LARP4B: variants seen among roughly 807,000 people sequenced by gnomAD.
LARP4B encodes La ribonucleoprotein 4B, also known as la-related protein 4B.
Under a neutral mutation model 89.8 loss-of-function variants are expected in LARP4B, and 12 were observed. That is an observed-to-expected ratio of 0.13 (90% CI 0.09 to 0.22). The LOEUF (loss-of-function observed/expected upper bound fraction) is 0.22, where lower values mean the gene tolerates loss of function less well. LARP4B is among the 10% of genes least tolerant of loss of function. The pLI is 1.00. For missense variants in LARP4B, 757 were observed against 947.7 expected (o/e 0.80, Z 2.64); for synonymous variants, 367 against 363.3 (o/e 1.01, Z -0.12).
intron 1 of LARP4B, among the ~76,000 whole-genome samples, chr10:928,601 G>A (rs1250308397): frequency 1.3e-5 from 2 of 152,036 alleles, no homozygotes; most frequent in South Asian, 2.1e-4. Context: ...GGGGGTGGGG[G>A]GAGACAAGGT....
At chr10:829,250 CCA>C (rs1395321233) in intron 11 of LARP4B, 133 bp downstream of exon 11, 2 of 738,390 alleles carry the variant, frequency 2.7e-6, no homozygotes, top group Admixed American at 3.2e-5. Flanking sequence ...TTAAAATCCC[CCA>C]CATAACTTGA....
In LARP4B at chr10:814,948, G is replaced by A. The variant is rs762621235; in HGVS notation, c.1818C>T (p.Pro606=). The A allele has an allele frequency of 1.2e-5, 19 of 1,591,774 alleles. No homozygotes were observed. In the African/African-American group the frequency reaches 1.2e-4, roughly 10 times the overall value. Residue 606 remains proline, a splice_region_variant and synonymous_variant, in exon 16 of 18, where the codon CCC becomes CCT. Transcript: ENST00000316157. This position sits in a 1 kb window ranked among gnomAD's most constrained non-coding sequence, Gnocchi z 4.4. The part of the protein sequence containing the change: ...YERSPSPAHL[P]DDPKVAEKQR... ...GCTGGAAGAACACCAATACTCACTC[G>A]GGTAAATGAGCTGGGGAGGGGGATC...
chr10:970,755 C>T, the LARP4B span, among the ~76,000 whole-genome samples: 8 of 151,984 alleles, frequency 5.3e-5, no homozygotes, highest in Admixed American at 3.3e-4. Flanking sequence ...ACTGTAAGAC[C>T]GGACTGAGCA....
chr10:865,268 T>G (rs957562518), intron 3 of LARP4B, among the ~76,000 whole-genome samples: 4 of 152,162 alleles, frequency 2.6e-5, no homozygotes, highest in African/African-American at 9.7e-5. Flanking sequence ...TGGACAGCTG[T>G]GGAACATGGG....
upstream of LARP4B, among the ~76,000 whole-genome samples, chr10:933,553 G>T (rs1356885558): frequency 6.6e-6 from 1 of 152,156 alleles, no homozygotes; most frequent in Non-Finnish European, 1.5e-5. Context: ...CTAGCTTTAA[G>T]GGAATTTGCA....
At chr10:945,584 AG>A in the LARP4B span, among the ~76,000 whole-genome samples, 4 of 151,354 alleles carry the variant, frequency 2.6e-5, no homozygotes, top group Non-Finnish European at 5.9e-5. Flanking sequence ...GCTACTCGGG[AG>A]GCTGGGGCAG....
intron 1 of LARP4B, among the ~76,000 whole-genome samples, chr10:909,287 C>G (rs1233793194): frequency 7.6e-6 from 1 of 131,140 alleles, no homozygotes; most frequent in Non-Finnish European, 1.6e-5. Context: ...GAGCACGACT[C>G]CGTCTCAAAA....
Position 896,988 on chromosome 10 carries a change from A to ATTT in LARP4B, c.-39-11231_-39-11229dup, listed in dbSNP as rs58205872. On this transcript the variant is annotated intron_variant, in intron 1 of 17. Transcript: ENST00000316157. ...TATCAAAATTCACTTTTGTGGGAGA[A>ATTT]TTTTTTTTTTTTTTTTTTTTGGCAG... Among the ~76,000 whole-genome samples, 5 of 137,446 alleles carry ATTT rather than the reference A, an allele frequency of 3.6e-5. No homozygotes were observed. In the East Asian group the frequency reaches 6.3e-4, roughly 17 times the overall value. 90.2% of individuals were successfully genotyped at this position (137,446 alleles called of 152,430 possible).
At chr10:815,163 G>A (rs1831968222) in intron 15 of LARP4B, 93 bp from the exon 16 acceptor site, 8 of 1,454,280 alleles carry the variant, frequency 5.5e-6, no homozygotes, top group African/African-American at 1.4e-5. Flanking sequence ...AACAGCCTTG[G>A]GAGAGCAGCA....
the LARP4B span, among the ~76,000 whole-genome samples, chr10:943,791 G>A: frequency 2.0e-5 from 3 of 152,006 alleles, no homozygotes; most frequent in Admixed American, 6.6e-5. Flanking sequence ...GGGAGGGCCC[G>A]GGGAGTGCAG....
chr10:913,134 T>C (rs1288254332), intron 1 of LARP4B, among the ~76,000 whole-genome samples: 1 of 152,202 alleles, frequency 6.6e-6, no homozygotes, highest in Non-Finnish European at 1.5e-5. Context: ...AGTTTTCACC[T>C]GAGAGTCATG....
In LARP4B at chr10:885,776, G is replaced by C; in HGVS notation, c.-39-16C>G. The C allele has an allele frequency of 7.4e-7, 1 of 1,347,668 alleles. No individual in the cohort carries two copies. The highest frequency in any genetic ancestry group is 1.1e-6 in the Non-Finnish European group (1 of 945,562). The allele number at this position is 1,347,668 out of a possible 1,614,324, so 83.5% of individuals were successfully genotyped here. A position where few individuals can be genotyped will look rare whatever the true frequency, so the allele number is the denominator to read the frequency against. ...CCTCAGGATGCTGTAAAATGGCAAA[G>C]ACATTAAACAGGTCATTTGAAGGGC... is the stretch of plus-strand genomic sequence containing the variant. On this transcript the variant is annotated splice_polypyrimidine_tract_variant and intron_variant, in intron 1 of 17. Transcript: ENST00000316157.
At chr10:914,014 A>C (rs1182603829) in intron 1 of LARP4B, among the ~76,000 whole-genome samples, 1 of 152,240 alleles carries the variant, frequency 6.6e-6, no homozygotes, top group Non-Finnish European at 1.5e-5. Flanking sequence ...TTTAATCTTA[A>C]AGCCATGTTA....
the LARP4B span, among the ~76,000 whole-genome samples, chr10:959,789 T>A: frequency 3.1e-5 from 3 of 98,162 alleles, no homozygotes; most frequent in Non-Finnish European, 6.1e-5. Flanking sequence ...CTCCTCGTCA[T>A]TCCCACCTCC....
intron 5 of LARP4B, among the ~76,000 whole-genome samples, chr10:851,975 A>T (rs1253510058): frequency 6.6e-6 from 1 of 152,136 alleles, no homozygotes; most frequent in Non-Finnish European, 1.5e-5. Context: ...CTAAGGCGGG[A>T]GAATCGCCTG....
At chr10:874,127 G>C (rs1045259582) in intron 3 of LARP4B, among the ~76,000 whole-genome samples, 1 of 152,062 alleles carries the variant, frequency 6.6e-6, no homozygotes, top group African/African-American at 2.4e-5. Flanking sequence ...CCAGCTACTC[G>C]GAAGGCTGAG....
the LARP4B span, among the ~76,000 whole-genome samples, chr10:960,211 G>C: frequency 5.2e-3 from 786 of 152,262 alleles, 7 homozygotes; most frequent in African/African-American, 0.018. Flanking sequence ...TCAGTAATAA[G>C]ATGAGTGATT....
At chr10:958,748 T>C in the LARP4B span, among the ~76,000 whole-genome samples, 2 of 152,352 alleles carry the variant, frequency 1.3e-5, no homozygotes, top group Middle Eastern at 3.4e-3. Flanking sequence ...CCAGTGTTTC[T>C]CCTGTAAATG....
chr10:893,387 T>C (rs571651199), intron 1 of LARP4B, among the ~76,000 whole-genome samples: 139 of 152,308 alleles, frequency 9.1e-4, no homozygotes, highest in Middle Eastern at 3.4e-3. Flanking sequence ...GTACACAGAT[T>C]TTCAACATAA....
Sources: allele counts gnomAD v4.1 joint callset (sites outside exome capture counted in the v4.1 genomes callset), GRCh38; gene constraint gnomAD v4.1.1; non-coding constraint Gnocchi (gnomAD v3.1); transcripts MANE v1.5; gene names NCBI Gene and HGNC (gene_info 2026-07-23, HGNC 2026-07-21).